UBOX5: variants seen among roughly 807,000 people sequenced by gnomAD.
The protein encoded by UBOX5 is RING finger protein 37.
UBOX5 carries 28 observed loss-of-function variants against 39.0 expected under a neutral mutation model. That is an observed-to-expected ratio of 0.72 (90% CI 0.53 to 0.98). The LOEUF is 0.98. Ranked by LOEUF, UBOX5 falls within the 50% of genes least tolerant of loss-of-function variation. UBOX5 has a pLI of 0.00. For missense variants in UBOX5, 585 were observed against 674.4 expected, an observed-to-expected ratio of 0.87 and a Z score of 1.47; for synonymous variants, 283 against 275.5, an observed-to-expected ratio of 1.03 and a Z score of -0.27.
intron 3 of UBOX5, among the ~76,000 whole-genome samples, chr20:3,118,351 T>C (rs1254697580): frequency 6.6e-6 from 1 of 151,780 alleles, no homozygotes; most frequent in African/African-American, 2.4e-5. Context: ...TGGGCACCTG[T>C]AATCCCAACT....
chr20:3,110,691 A>C (rs1345385142), intron 4 of UBOX5: 2 of 285,244 alleles, frequency 7.0e-6, no homozygotes, highest in African/African-American at 4.3e-5. Context: ...AAGAAATGTG[A>C]GAGGCGACAA....
intron 1 of UBOX5, chr20:3,148,964 G>A (rs1190700034): frequency 6.8e-6 from 11 of 1,614,098 alleles, no homozygotes; most frequent in South Asian, 1.1e-5. Flanking sequence ...CCCATGCTGT[G>A]TGCTGCTCAC....
chr20:3,108,222 C>T lies in UBOX5; in HGVS notation c.*1884G>A, dbSNP rs554609939. On this transcript the variant is annotated 3_prime_UTR_variant, in exon 5 of 5. Coordinates refer to ENST00000217173, the MANE Select transcript of UBOX5 (RefSeq NM_014948.4). The stretch of plus-strand genomic sequence containing the variant: ...TCCCCGGTTCAAGCGATTCTCATGC[C>T]TCAGCCTCCTGAGTAGCTGGCATTA... 12 of 152,692 alleles carry T rather than the reference C, an allele frequency of 7.9e-5. No individual in the cohort carries two copies. The highest frequency in any genetic ancestry group is 1.6e-4 in the Non-Finnish European group (11 of 68,334). 9.5% of individuals were successfully genotyped at this position (152,692 alleles called of 1,614,324 possible).
intron 1 of UBOX5, chr20:3,151,891 G>C (rs1405535937): frequency 1.3e-5 from 2 of 151,534 alleles, no homozygotes; most frequent in African/African-American, 4.8e-5. Context: ...GATCACTTGA[G>C]GTCAGGAGTT....
At chr20:3,140,684 T>C (rs1455645051) in intron 1 of UBOX5, among the ~76,000 whole-genome samples, 3 of 152,164 alleles carry the variant, frequency 2.0e-5, no homozygotes, top group East Asian at 1.9e-4. Context: ...GCTGGTTTAA[T>C]GGTGCATCTT....
intron 1 of UBOX5, among the ~76,000 whole-genome samples, chr20:3,135,157 AAAAACGTTGGTCAAAAGTTTTGACC>A (rs1416441742): frequency 1.3e-5 from 2 of 152,218 alleles, no homozygotes; most frequent in Non-Finnish European, 2.9e-5. Context: ...ATTTTTTTAA[AAAAACGTTGGTCAAAAGTTTTGACC>A]AAAACATTGG....
chr20:3,148,288 A>T, intron 1 of UBOX5: 9 of 1,611,500 alleles, frequency 5.6e-6, no homozygotes, highest in Non-Finnish European at 6.8e-6. Context: ...AAATGTTTAA[A>T]AACCTAGGTA....
At chr20:3,125,985 C>G (rs1407283568) in intron 1 of UBOX5, among the ~76,000 whole-genome samples, 2 of 152,238 alleles carry the variant, frequency 1.3e-5, no homozygotes, top group African/African-American at 4.8e-5. Flanking sequence ...AAGTGACAGC[C>G]TTTCTGCAGG....
chr20:3,110,577 A>C (rs2066246002), intron 4 of UBOX5: 5 of 506,328 alleles, frequency 9.9e-6, no homozygotes, highest in Non-Finnish European at 1.8e-5. Context: ...GGCAGCAGGC[A>C]GGACTGGGCC....
At position 3,149,997 on chromosome 20, in the gene UBOX5, C is replaced by T. The variant is rs573678785; in HGVS notation, c.-42+9769G>A. ...CCGTGCCACTGCACTCCAGCCTAGGCGAAAAAGTGAGACTCCATCTCAAAA... is the reference window on the plus strand; with the variant it reads ...CCGTGCCACTGCACTCCAGCCTAGGTGAAAAAGTGAGACTCCATCTCAAAA... On this transcript the variant is annotated intron_variant, in intron 1 of 4. Transcript: ENST00000217173. The surrounding 1 kb of genome is among the most constrained non-coding windows in gnomAD (Gnocchi z 4.1). Among the ~76,000 whole-genome samples the T allele has an allele frequency of 6.3e-5, 9 of 142,256 alleles. No individual in the cohort carries two copies. In the East Asian group the frequency reaches 1.2e-3, roughly 19 times the overall value. 93.3% of individuals were successfully genotyped at this position (142,256 alleles called of 152,430 possible).
chr20:3,148,669 C>A, intron 1 of UBOX5: 1 of 1,614,178 alleles, frequency 6.2e-7, no homozygotes, highest in South Asian at 1.1e-5. Flanking sequence ...GCTGAGAAGT[C>A]TCAGATGCAT....
chr20:3,122,348 G>C lies in UBOX5; in HGVS notation c.291C>G (p.Pro97=), dbSNP rs767720074. ...CAGCTGGGCCCAGGGTCCGGCACTG[G>C]GGCGTATTCCAAGACACTCTGCTAG... ...ASSSRVSWNT[P]QCRTLGPAEP... Residue 97 remains proline (P), a synonymous_variant, in exon 3 of 5, where the codon CCC becomes CCG. Transcript: ENST00000217173. 1.2e-6 allele frequency: 2 copies of C among 1,614,080 alleles called. No individual in the cohort carries two copies. Among genetic ancestry groups the C allele is most frequent in the African/African-American group, 2.7e-5 (2 of 74,924 alleles).
At chr20:3,153,569 G>A (rs995059148) in intron 1 of UBOX5, among the ~76,000 whole-genome samples, 2 of 152,196 alleles carry the variant, frequency 1.3e-5, no homozygotes. Flanking sequence ...GTGTACTAGA[G>A]AGACAAGAAT....
chr20:3,126,767 G>A (rs1415967563), intron 1 of UBOX5, among the ~76,000 whole-genome samples: 1 of 151,978 alleles, frequency 6.6e-6, no homozygotes, highest in Non-Finnish European at 1.5e-5. Flanking sequence ...CTGGCACGGT[G>A]GCTCATACCT....
At chr20:3,155,052 CAAAAAAA>C (rs11326176) in intron 1 of UBOX5, among the ~76,000 whole-genome samples, 2 of 96,100 alleles carry the variant, frequency 2.1e-5, no homozygotes, top group Non-Finnish European at 3.9e-5. Context: ...GACACAGTCT[CAAAAAAA>C]AAAAAAAAAA....
intron 3 of UBOX5, among the ~76,000 whole-genome samples, chr20:3,120,069 GC>G (rs1009399316): frequency 4.6e-5 from 7 of 151,562 alleles, no homozygotes; most frequent in South Asian, 2.1e-4. Flanking sequence ...CAAGAATGTT[GC>G]AGGCCAGGCA....
In UBOX5 at chr20:3,121,990, G is replaced by C. The variant is rs148731933; in HGVS notation, c.649C>G (p.Leu217Val). ...DSILLVTSEN[L>V]PQDVALQAPA... ...GCCTGCAGAGCCACATCCTGAGGCAGGTTCTCTGAGGTGACCAGCAGGATG... is the reference window on the plus strand; with the variant it reads ...GCCTGCAGAGCCACATCCTGAGGCACGTTCTCTGAGGTGACCAGCAGGATG... Residue 217 changes from leucine to valine, a missense_variant, in exon 3 of 5, where the codon CTG becomes GTG. Coordinates refer to ENST00000217173, the MANE Select transcript of UBOX5 (RefSeq NM_014948.4). The C allele has an allele frequency of 6.2e-4, 1,007 of 1,614,054 alleles. 4 individuals carry two copies. The highest frequency in any genetic ancestry group is 2.1e-3 in the Admixed American group (126 of 60,016).
intron 1 of UBOX5, among the ~76,000 whole-genome samples, chr20:3,131,630 C>T (rs2066429557): frequency 1.3e-5 from 2 of 152,218 alleles, no homozygotes; most frequent in African/African-American, 4.8e-5. Context: ...TGAAACTATT[C>T]TGTATTACAC....
At chr20:3,147,399 C>G (rs1461194948) in intron 1 of UBOX5, 6 of 1,614,212 alleles carry the variant, frequency 3.7e-6, no homozygotes, top group Non-Finnish European at 4.2e-6. Context: ...TCTAAGAATT[C>G]AGGCTTTGAA....
Sources: gnomAD v4.1 joint callset for allele counts (sites outside exome capture counted in the v4.1 genomes callset) on GRCh38, gnomAD v4.1.1 for gene constraint, Gnocchi (gnomAD v3.1) non-coding constraint, MANE v1.5 for transcripts, NCBI Gene and HGNC (gene_info 2026-07-23, HGNC 2026-07-21) for gene names.